PXN: variants seen among roughly 807,000 people sequenced by gnomAD.
PXN encodes the protein paxillin.
PXN carries 61 observed loss-of-function variants against 103.6 expected under a neutral mutation model. The ratio of observed to expected loss-of-function variants is 0.59; its 90% CI spans 0.48 to 0.73. PXN has a LOEUF of 0.73. Among genes scored for constraint, PXN ranks in the 30% least tolerant of loss-of-function variants. The probability of loss-of-function intolerance (pLI) is 0.00; values close to 1 mark genes in which losing one functional copy is unlikely to be tolerated. For missense variants in PXN, 1,274 were observed against 1,460.3 expected, an observed-to-expected ratio of 0.87 and a Z score of 2.08; for synonymous variants, 562 against 607.8, an observed-to-expected ratio of 0.92 and a Z score of 1.11.
chr12:120,225,992 G>T lies in PXN; in HGVS notation c.14-1615C>A, dbSNP rs1886766361. 2 of 1,000,794 alleles carry T rather than the reference G, an allele frequency of 2.0e-6. No homozygotes were observed. The highest frequency in any genetic ancestry group is 2.5e-6 in the Non-Finnish European group (2 of 810,120). The allele number at this position is 1,000,794 out of a possible 1,614,324, so 62.0% of individuals were successfully genotyped here. A position where few individuals can be genotyped will look rare whatever the true frequency, so the allele number is the denominator to read the frequency against. ...GTCTGGTCGCCTGACCTCCAAGGAA[G>T]TTCAGGTCCTACAGCCCGCCCCGCC... On this transcript the variant is annotated intron_variant, in intron 1 of 14. Coordinates refer to ENST00000637617, the MANE Select transcript of PXN (RefSeq NM_001385981.1). This position sits in a 1 kb window ranked among gnomAD's most constrained non-coding sequence, Gnocchi z 4.4.
At chr12:120,227,617 C>A (rs1172606184) in intron 1 of PXN, among the ~76,000 whole-genome samples, 1 of 152,136 alleles carries the variant, frequency 6.6e-6, no homozygotes, top group African/African-American at 2.4e-5. Context: ...CAAGTCCATC[C>A]ACCAGCCACA....
intron 1 of PXN, among the ~76,000 whole-genome samples, chr12:120,252,998 C>CAAA (rs1254384939): frequency 8.0e-5 from 4 of 49,744 alleles, no homozygotes; most frequent in South Asian, 6.9e-4. Flanking sequence ...GACTCTGTCT[C>CAAA]AAAAAAAAAA....
At chr12:120,246,410 C>A (rs1314852547) in intron 1 of PXN, among the ~76,000 whole-genome samples, 2 of 151,032 alleles carry the variant, frequency 1.3e-5, no homozygotes, top group Non-Finnish European at 2.9e-5. Context: ...GCCTGTTATC[C>A]CAGTTCCTCC....
In PXN at chr12:120,220,920, C is replaced by T. The variant is rs1010259443; in HGVS notation, c.831+703G>A. ...CCACGTGGAAGTATGAAGTCAGCAG[C>T]TGCTGGTGAGTTCTGTCAATATCAA... On this transcript the variant is annotated intron_variant, in intron 6 of 14. Coordinates refer to ENST00000637617, the MANE Select transcript of PXN (RefSeq NM_001385981.1). This position sits in a 1 kb window ranked among gnomAD's most constrained non-coding sequence, Gnocchi z 6.1. Among the ~76,000 whole-genome samples the T allele has an allele frequency of 2.0e-5, 3 of 152,194 alleles. No homozygotes were observed. Among genetic ancestry groups the T allele is most frequent in the Admixed American group, 1.3e-4 (2 of 15,282 alleles).
Position 120,228,433 on chromosome 12 carries a change from GCGAGC to G in PXN, c.14-4061_14-4057del, listed in dbSNP as rs1205572544. ...GGGCAGGCTAGGTGCAAAGTCCCCA[GCGAGC>G]CATGGGCAAAGGCCACGGAGCTATG... On this transcript the variant is annotated intron_variant, in intron 1 of 14. Coordinates refer to ENST00000637617, the MANE Select transcript of PXN (RefSeq NM_001385981.1). This position sits in a 1 kb window ranked among gnomAD's most constrained non-coding sequence, Gnocchi z 4.7. 6.6e-6 allele frequency among the ~76,000 whole-genome samples: 1 copy of G among 152,264 alleles called. No homozygotes were observed. The highest frequency in any genetic ancestry group is 6.5e-5 in the Admixed American group (1 of 15,288).
intron 1 of PXN, among the ~76,000 whole-genome samples, chr12:120,245,384 G>A (rs557265396): frequency 3.3e-5 from 5 of 151,966 alleles, no homozygotes; most frequent in South Asian, 4.2e-4. Context: ...AACTAGCCAG[G>A]GAGGAAGAAG....
At chr12:120,227,296 T>C (rs1887074303) in intron 1 of PXN, among the ~76,000 whole-genome samples, 1 of 149,968 alleles carries the variant, frequency 6.7e-6, no homozygotes, top group African/African-American at 2.5e-5. Context: ...AGAACAGGAG[T>C]TGGAGATCGG....
In PXN at chr12:120,215,934, C is replaced by T. The variant is rs745593040; in HGVS notation, c.2302-273G>A. On this transcript the variant is annotated intron_variant, in intron 9 of 14. Coordinates refer to ENST00000637617, the MANE Select transcript of PXN (RefSeq NM_001385981.1). This position sits in a 1 kb window ranked among gnomAD's most constrained non-coding sequence, Gnocchi z 4.9. ...GGCTCAGTGATGAGGCCTCACCGGGCGCTGGGCCTGGGGGCTGGAAGGGAG... is the reference window on the plus strand; with the variant it reads ...GGCTCAGTGATGAGGCCTCACCGGGTGCTGGGCCTGGGGGCTGGAAGGGAG... 1.7e-5 allele frequency: 23 copies of T among 1,374,598 alleles called. No homozygotes were observed. The East Asian group carries it at 2.2e-4, about 13-fold the overall frequency. The allele number at this position is 1,374,598 out of a possible 1,614,324, so 85.2% of individuals were successfully genotyped here.
intron 1 of PXN, chr12:120,226,826 G>C: frequency 3.9e-6 from 4 of 1,015,878 alleles, no homozygotes; most frequent in Non-Finnish European, 4.7e-6. Flanking sequence ...GTAAGCTCTT[G>C]AATAACTCTG....
rs575671573 is a variant in PXN, at chr12:120,219,018, G to A, written c.1716+189C>T. On this transcript the variant is annotated intron_variant, in intron 7 of 14. Transcript: ENST00000637617. The surrounding 1 kb of genome is among the most constrained non-coding windows in gnomAD (Gnocchi z 6.5). ...TCAACAAGGCAAGAGGTGGGTTGAC[G>A]CTATGAGAAATGCTGGGTCCACAGA... Among the ~76,000 whole-genome samples the A allele has an allele frequency of 7.9e-5, 12 of 152,358 alleles. No individual in the cohort carries two copies. The highest frequency in any genetic ancestry group is 2.2e-4 in the African/African-American group (9 of 41,582).
At chr12:120,254,420 G>T (rs562125835) in intron 1 of PXN, among the ~76,000 whole-genome samples, 3 of 152,352 alleles carry the variant, frequency 2.0e-5, no homozygotes, top group Non-Finnish European at 4.4e-5. Context: ...TTGGCACACA[G>T]GAAAGTAGCT....
intron 1 of PXN, chr12:120,226,762 C>A: frequency 9.3e-7 from 1 of 1,075,206 alleles, no homozygotes; most frequent in African/African-American, 1.7e-5. Flanking sequence ...GCTCCCCTCT[C>A]TACCATCCAT....
At chr12:120,244,549 G>A (rs1890719925) in intron 1 of PXN, among the ~76,000 whole-genome samples, 1 of 151,998 alleles carries the variant, frequency 6.6e-6, no homozygotes, top group Non-Finnish European at 1.5e-5. Context: ...TCGGGAGGCT[G>A]AGGCAGGAGA....
In PXN at chr12:120,219,258, G is replaced by A. The variant is rs1272916646; in HGVS notation, c.1665C>T (p.Ala555=). ...TGGTGCTGGGTGTGCCCATGGCCATGGCACATGGAAGCTCTGGCTGTTCCT... is the reference window on the plus strand; with the variant it reads ...TGGTGCTGGGTGTGCCCATGGCCATAGCACATGGAAGCTCTGGCTGTTCCT... ...DGKEQPELPC[A]MAMGTPSTTE... is the part of the protein sequence containing the mutation. The change falls in exon 7 of 15, where the codon GCC becomes GCT. Residue 555 remains alanine, a synonymous_variant. Coordinates refer to ENST00000637617, the MANE Select transcript of PXN (RefSeq NM_001385981.1). This position sits in a 1 kb window ranked among gnomAD's most constrained non-coding sequence, Gnocchi z 6.5. The A allele has an allele frequency of 1.9e-6, 3 of 1,597,944 alleles. No individual in the cohort carries two copies. Among genetic ancestry groups the A allele is most frequent in the East Asian group, 2.2e-5 (1 of 44,862 alleles).
At position 120,265,584 on chromosome 12, in the gene PXN, GCCT is replaced by G. The variant is rs1291822896; in HGVS notation, c.13+30_13+32del. ...CCTGGCCCCAAGCTGCGCGCCTCTC[GCCT>G]CCTCCTCCCTCGGCCTCCCGCTCAC... On this transcript the variant is annotated intron_variant, in intron 1 of 14. Transcript: ENST00000637617. This position sits in a 1 kb window ranked among gnomAD's most constrained non-coding sequence, Gnocchi z 5.7. The G allele has an allele frequency of 2.7e-6, 4 of 1,483,078 alleles. No individual in the cohort carries two copies. Among genetic ancestry groups the G allele is most frequent in the Admixed American group, 2.3e-5 (1 of 43,134 alleles). The allele number at this position is 1,483,078 out of a possible 1,614,324, so 91.9% of individuals were successfully genotyped here.
chr12:120,236,440 T>C (rs1177800797), intron 1 of PXN, among the ~76,000 whole-genome samples: 2 of 151,170 alleles, frequency 1.3e-5, no homozygotes, highest in African/African-American at 4.9e-5. Flanking sequence ...CATGAATAGC[T>C]GGAACTATAG....
chr12:120,219,557 G>C lies in PXN; in HGVS notation c.1366C>G (p.Arg456Gly). Residue 456 changes from arginine to glycine, a missense_variant, in exon 7 of 15, where the codon CGA becomes GGA. By Grantham distance (125) the Arg-to-Gly change is moderately radical (BLOSUM62 -2). Transcript: ENST00000637617. The surrounding 1 kb of genome is among the most constrained non-coding windows in gnomAD (Gnocchi z 6.5). ...GGCTCTGTTACTTCTTGGAAGCTTCGAGCAGCTCCAGAGGGGGGCATTCTC... is the reference window on the plus strand; with the variant it reads ...GGCTCTGTTACTTCTTGGAAGCTTCCAGCAGCTCCAGAGGGGGGCATTCTC... ...PERMPPSGAA[R>G]SFQEVTEPAV... is the part of the protein sequence containing the mutation. The C allele has an allele frequency of 1.9e-6, 3 of 1,578,700 alleles. No homozygotes were observed. Among genetic ancestry groups the C allele is most frequent in the Non-Finnish European group, 2.6e-6 (3 of 1,170,038 alleles).
intron 1 of PXN, among the ~76,000 whole-genome samples, chr12:120,249,297 C>T (rs192998652): frequency 3.9e-5 from 6 of 152,192 alleles, no homozygotes; most frequent in East Asian, 3.9e-4. Context: ...AAATGACATC[C>T]TAAGGTTCCT....
At chr12:120,251,794 G>A (rs1892230880) in intron 1 of PXN, among the ~76,000 whole-genome samples, 1 of 152,144 alleles carries the variant, frequency 6.6e-6, no homozygotes, top group African/African-American at 2.4e-5. Context: ...TCCAGCCTGG[G>A]CAACAGAGCG....
Sources: gnomAD v4.1 joint callset for allele counts (sites outside exome capture counted in the v4.1 genomes callset) on GRCh38, gnomAD v4.1.1 for gene constraint, Gnocchi (gnomAD v3.1) non-coding constraint, MANE v1.5 for transcripts, NCBI Gene and HGNC (gene_info 2026-07-23, HGNC 2026-07-21) for gene names.